The following PCBP3 variants were observed in gnomAD, a reference collection of about 807,000 sequenced individuals.
PCBP3 encodes the protein poly(rC) binding protein 3, also known as poly(rC)-binding protein 3.
PCBP3 carries 25 observed loss-of-function variants against 52.7 expected under a neutral mutation model. The ratio of observed to expected loss-of-function variants is 0.47; its 90% CI spans 0.35 to 0.66. The LOEUF is 0.66. Ranked by LOEUF, PCBP3 falls within the 30% of genes least tolerant of loss-of-function variation. The probability of loss-of-function intolerance (pLI) is 0.01; values close to 1 mark genes in which losing one functional copy is unlikely to be tolerated. For missense variants in PCBP3, 391 were observed against 490.3 expected (o/e 0.80, Z 1.91); for synonymous variants, 162 against 183.0 (o/e 0.89, Z 0.93).
intron 16 of PCBP3, among the ~76,000 whole-genome samples, chr21:45,935,727 G>A (rs1050981943): frequency 6.6e-6 from 1 of 152,340 alleles, no homozygotes; most frequent in Middle Eastern, 3.4e-3. Flanking sequence ...TTCTCCATGA[G>A]TTGGCTCCAA....
At chr21:45,797,880 T>A (rs935843043) in intron 4 of PCBP3, among the ~76,000 whole-genome samples, 1 of 49,496 alleles carries the variant, frequency 2.0e-5, no homozygotes, top group African/African-American at 9.5e-5. Context: ...ATAGAGAGAG[T>A]GAATGCATGG....
chr21:45,890,809 G>A (rs2095639011), intron 5 of PCBP3, among the ~76,000 whole-genome samples: 1 of 150,118 alleles, frequency 6.7e-6, no homozygotes, highest in Non-Finnish European at 1.5e-5. Flanking sequence ...TCTGTGTGCT[G>A]CTGAGAGGAA....
intron 5 of PCBP3, among the ~76,000 whole-genome samples, chr21:45,868,570 G>A (rs1261968340): frequency 2.0e-5 from 3 of 152,184 alleles, no homozygotes. Context: ...AGGAATCCAC[G>A]TGGGTCTCGG....
chr21:45,855,756 A>C (rs2094264795), intron 5 of PCBP3, among the ~76,000 whole-genome samples: 1 of 152,252 alleles, frequency 6.6e-6, no homozygotes, highest in African/African-American at 2.4e-5. Flanking sequence ...GCCGGACCCC[A>C]CACAGGCACA....
At chr21:45,879,533 G>A (rs748966819) in intron 5 of PCBP3, among the ~76,000 whole-genome samples, 3 of 152,064 alleles carry the variant, frequency 2.0e-5, no homozygotes, top group Non-Finnish European at 2.9e-5. Flanking sequence ...ATGTGCACAT[G>A]GGATGTTCCC....
chr21:45,737,137 A>T lies in PCBP3; in HGVS notation c.-162+1708A>T, dbSNP rs755786347. On this transcript the variant is annotated intron_variant, in intron 3 of 17. Coordinates refer to ENST00000681687, the MANE Select transcript of PCBP3 (RefSeq NM_001384156.1). This position sits in a 1 kb window ranked among gnomAD's most constrained non-coding sequence, Gnocchi z 4.9. ...TGAGAGTGCCGCGGGTTAGGAGGTGAGGGTGCAGCTGGGGCACATCAGGGG... is the reference window on the plus strand; with the variant it reads ...TGAGAGTGCCGCGGGTTAGGAGGTGTGGGTGCAGCTGGGGCACATCAGGGG... Among the ~76,000 whole-genome samples, 5 of 151,784 alleles carry T rather than the reference A, an allele frequency of 3.3e-5. No individual in the cohort carries two copies. Among genetic ancestry groups the T allele is most frequent in the Non-Finnish European group, 5.9e-5 (4 of 67,940 alleles).
intron 5 of PCBP3, among the ~76,000 whole-genome samples, chr21:45,875,290 G>C (rs2095217889): frequency 6.6e-6 from 1 of 152,118 alleles, no homozygotes; most frequent in Non-Finnish European, 1.5e-5. Context: ...GCCCCTCCGT[G>C]CTGCGTGCTG....
intron 5 of PCBP3, among the ~76,000 whole-genome samples, chr21:45,857,290 T>C (rs2094337679): frequency 6.6e-6 from 1 of 152,130 alleles, no homozygotes; most frequent in South Asian, 2.1e-4. Context: ...GGTTGGAAAG[T>C]AAGTCACAAT....
intron 4 of PCBP3, among the ~76,000 whole-genome samples, chr21:45,776,966 T>C (rs535410779): frequency 3.9e-5 from 6 of 152,314 alleles, no homozygotes; most frequent in Non-Finnish European, 7.4e-5. Flanking sequence ...AGTGGTACCA[T>C]TTAAGCCATT....
At chr21:45,804,896 G>A (rs1180497601) in intron 4 of PCBP3, among the ~76,000 whole-genome samples, 1 of 152,094 alleles carries the variant, frequency 6.6e-6, no homozygotes, top group Non-Finnish European at 1.5e-5. Flanking sequence ...CTGGGAGTCA[G>A]GCTTACCAGC....
intron 2 of PCBP3, among the ~76,000 whole-genome samples, chr21:45,729,289 G>A (rs1204028165): frequency 6.6e-6 from 1 of 152,196 alleles, no homozygotes; most frequent in African/African-American, 2.4e-5. Context: ...TGTACCAGAT[G>A]TGTTTATCCA....
intron 2 of PCBP3, among the ~76,000 whole-genome samples, chr21:45,699,210 C>T (rs1964928): frequency 0.17 from 26,005 of 152,172 alleles, 2,337 homozygotes; most frequent in Middle Eastern, 0.32. Context: ...AAGTCCCCAG[C>T]GAGGCATGGC....
intron 17 of PCBP3, among the ~76,000 whole-genome samples, 194 bp from the exon 18 acceptor site, chr21:45,941,473 GTGA>G (rs926513096): frequency 6.6e-6 from 1 of 152,214 alleles, no homozygotes; most frequent in African/African-American, 2.4e-5. Flanking sequence ...ACCTGACGTG[GTGA>G]TGGGCATGGC....
chr21:45,843,443 CTT>C (rs1199292396), intron 4 of PCBP3, among the ~76,000 whole-genome samples: 1 of 152,178 alleles, frequency 6.6e-6, no homozygotes, highest in African/African-American at 2.4e-5. Flanking sequence ...TACCTTTCCA[CTT>C]TCTGTGGATA....
chr21:45,742,434 T>G (rs1439916052), intron 3 of PCBP3, among the ~76,000 whole-genome samples: 3 of 152,238 alleles, frequency 2.0e-5, no homozygotes, highest in Non-Finnish European at 4.4e-5. Flanking sequence ...TTTTCCCCCA[T>G]GCTCATAAGC....
chr21:45,749,013 A>T (rs1304093258), intron 3 of PCBP3, among the ~76,000 whole-genome samples: 1 of 152,226 alleles, frequency 6.6e-6, no homozygotes. Flanking sequence ...AAGAACCACC[A>T]GTGTCTTTCT....
chr21:45,797,707 CAGAG>C (rs960274184), intron 4 of PCBP3, among the ~76,000 whole-genome samples: 1 of 4,840 alleles, frequency 2.1e-4, no homozygotes, highest in Admixed American at 2.2e-3. Context: ...CATGGATCCA[CAGAG>C]AGTGAATGCA....
At chr21:45,673,608 C>A (rs904966310) in intron 2 of PCBP3, 2 of 152,112 alleles carry the variant, frequency 1.3e-5, no homozygotes, top group African/African-American at 4.8e-5. Flanking sequence ...GAAGTGAATA[C>A]CTGGCCTGAG....
intron 4 of PCBP3, among the ~76,000 whole-genome samples, chr21:45,786,415 C>T (rs111776008): frequency 0.013 from 2,030 of 152,064 alleles, 63 homozygotes; most frequent in African/African-American, 0.046. Context: ...CTCAGCCTCC[C>T]GAGTAGCTGG....
Sources: allele counts gnomAD v4.1 joint callset (sites outside exome capture counted in the v4.1 genomes callset), GRCh38; gene constraint gnomAD v4.1.1; non-coding constraint Gnocchi (gnomAD v3.1); transcripts MANE v1.5; gene names NCBI Gene and HGNC (gene_info 2026-07-23, HGNC 2026-07-21).